The following DLGAP2 variants were observed in gnomAD, a reference collection of about 807,000 sequenced individuals.
The protein encoded by DLGAP2 is DLG associated protein 2.
A neutral mutation model predicts 100.3 loss-of-function variants in DLGAP2; 26 were observed. The ratio of observed to expected loss-of-function variants is 0.26; its 90% CI spans 0.19 to 0.36. The LOEUF (loss-of-function observed/expected upper bound fraction) is 0.36, where lower values mean the gene tolerates loss of function less well. DLGAP2 is among the 10% of genes least tolerant of loss of function. DLGAP2 has a pLI of 1.00. For missense variants in DLGAP2, 1,858 were observed against 1,453.2 expected, an observed-to-expected ratio of 1.28 and a Z score of -4.53; for synonymous variants, 886 against 630.1, an observed-to-expected ratio of 1.41 and a Z score of -6.08.
intron 3 of DLGAP2, among the ~76,000 whole-genome samples, chr8:1,417,274 C>T (rs1796921794): frequency 6.6e-6 from 1 of 151,968 alleles, no homozygotes. Flanking sequence ...GCGTCTGAGG[C>T]GGGAGGAGAG....
chr8:1,585,990 C>T (rs1404549702), intron 6 of DLGAP2, among the ~76,000 whole-genome samples: 1 of 152,248 alleles, frequency 6.6e-6, no homozygotes, highest in African/African-American at 2.4e-5. Flanking sequence ...GGTCCCACTG[C>T]ACGCATTACT....
chr8:823,515 T>C (rs917879291), intron 1 of DLGAP2, among the ~76,000 whole-genome samples: 3 of 152,034 alleles, frequency 2.0e-5, no homozygotes, highest in African/African-American at 4.8e-5. Flanking sequence ...AGATAACTTG[T>C]TAAAAAAGAA....
At chr8:820,866 G>A (rs1185816450) in intron 1 of DLGAP2, among the ~76,000 whole-genome samples, 1 of 152,204 alleles carries the variant, frequency 6.6e-6, no homozygotes, top group African/African-American at 2.4e-5. Context: ...TTCAGGCCAG[G>A]AAGATGTAGT....
intron 6 of DLGAP2, among the ~76,000 whole-genome samples, chr8:1,579,026 G>A (rs1298703414): frequency 6.6e-6 from 1 of 152,192 alleles, no homozygotes; most frequent in Non-Finnish European, 1.5e-5. Context: ...TTGAGATACT[G>A]GACTTGCTTA....
At position 1,084,351 on chromosome 8, in the gene DLGAP2, A is replaced by G. The variant is rs116061285; in HGVS notation, c.74-174500A>G. Among the ~76,000 whole-genome samples, 708 of 152,360 alleles carry G rather than the reference A, an allele frequency of 4.6e-3. 6 individuals are homozygous for G. Among genetic ancestry groups the G allele is most frequent in the African/African-American group, 0.016 (674 of 41,586 alleles). ...GCATAGAACAATTAAGCTAATTAAC[A>G]TATCCATTACCTCACATATTTAACA... On this transcript the variant is annotated intron_variant, in intron 2 of 14. Coordinates refer to ENST00000637795, the MANE Select transcript of DLGAP2 (RefSeq NM_001346810.2).
intron 3 of DLGAP2, among the ~76,000 whole-genome samples, chr8:1,297,478 T>C (rs187332671): frequency 1.2e-3 from 118 of 99,112 alleles, no homozygotes; most frequent in Middle Eastern, 8.1e-3. Flanking sequence ...GAACAGACAC[T>C]ACACGAGACA....
intron 3 of DLGAP2, among the ~76,000 whole-genome samples, chr8:1,489,746 C>T (rs1289075649): frequency 2.6e-5 from 4 of 152,134 alleles, no homozygotes; most frequent in African/African-American, 7.2e-5. Context: ...GATCACAAAC[C>T]GCATCGAGTT....
chr8:1,532,723 G>A (rs1468584487), intron 4 of DLGAP2, among the ~76,000 whole-genome samples: 7 of 152,122 alleles, frequency 4.6e-5, no homozygotes, highest in Admixed American at 2.0e-4. Context: ...TTTAAAATAG[G>A]TAGAAAGGAA....
chr8:1,064,635 T>C (rs1803189532), intron 2 of DLGAP2, among the ~76,000 whole-genome samples: 1 of 152,172 alleles, frequency 6.6e-6, no homozygotes, highest in Non-Finnish European at 1.5e-5. Flanking sequence ...AACAAGGAGG[T>C]CTTTAGTAAA....
chr8:1,678,063 C>A, intron 11 of DLGAP2, 151 bp from the exon 12 acceptor site: 1 of 815,418 alleles, frequency 1.2e-6, no homozygotes, highest in Non-Finnish European at 1.9e-6. Context: ...ACAGACAAAA[C>A]ACCAGCATAT....
chr8:1,480,773 G>A (rs946982866), intron 3 of DLGAP2, among the ~76,000 whole-genome samples: 6 of 151,962 alleles, frequency 3.9e-5, no homozygotes, highest in Non-Finnish European at 8.8e-5. Flanking sequence ...GGCTGAGGCA[G>A]GAGAATCGCT....
intron 2 of DLGAP2, among the ~76,000 whole-genome samples, chr8:1,012,046 A>T (rs1433748611): frequency 4.6e-5 from 7 of 152,212 alleles, no homozygotes; most frequent in Non-Finnish European, 1.5e-5. Flanking sequence ...TAGGCCCTGC[A>T]AACACATGCC....
chr8:1,429,105 T>A (rs530584096), intron 3 of DLGAP2, among the ~76,000 whole-genome samples: 3 of 152,318 alleles, frequency 2.0e-5, no homozygotes, highest in Admixed American at 6.5e-5. Context: ...TCATAAGTTG[T>A]TCCTGGAAAC....
intron 2 of DLGAP2, among the ~76,000 whole-genome samples, chr8:1,213,681 G>T (rs2116793448): frequency 6.6e-6 from 1 of 152,248 alleles, no homozygotes; most frequent in East Asian, 1.9e-4. Context: ...AATGGTGCAG[G>T]AATCACATCT....
At chr8:1,503,237 C>T (rs567500519) in intron 4 of DLGAP2, among the ~76,000 whole-genome samples, 1 of 152,248 alleles carries the variant, frequency 6.6e-6, no homozygotes, top group South Asian at 2.1e-4. Flanking sequence ...GTCTCTAGAA[C>T]TTTTTCCTCT....
chr8:1,504,409 G>C (rs1364193669), intron 4 of DLGAP2, among the ~76,000 whole-genome samples: 3 of 152,116 alleles, frequency 2.0e-5, no homozygotes, highest in African/African-American at 7.2e-5. Flanking sequence ...GTGCTTTTAA[G>C]AACATTTAAG....
chr8:1,678,600 A>T lies in DLGAP2; in HGVS notation c.2675A>T (p.Glu892Val). 1 of 1,564,884 alleles carries T rather than the reference A, an allele frequency of 6.4e-7. No homozygotes were observed. Among genetic ancestry groups the T allele is most frequent in the Non-Finnish European group, 8.7e-7 (1 of 1,153,970 alleles). Residue 892 changes from glutamate to valine, a missense_variant, in exon 12 of 15, where the codon GAG (glutamate) becomes GTG (valine). Glu to Val is a moderately radical substitution (Grantham distance 121, BLOSUM62 -2). Coordinates refer to ENST00000637795, the MANE Select transcript of DLGAP2 (RefSeq NM_001346810.2). The stretch of plus-strand genomic sequence containing the variant: ...GGCTGGTGCAAAGAGATGGAGAGAG[A>T]GGCGGAGGAGAACGACCTCTCGGAG... ...MEGWCKEMER[E>V]AEENDLSEEI... is the part of the protein sequence containing the mutation.
intron 6 of DLGAP2, among the ~76,000 whole-genome samples, chr8:1,577,999 C>G (rs1162044835): frequency 6.6e-6 from 1 of 152,236 alleles, no homozygotes; most frequent in Non-Finnish European, 1.5e-5. Flanking sequence ...TACGTAGACA[C>G]TCTTATACTA....
At chr8:819,327 G>A (rs1381320536) in intron 1 of DLGAP2, among the ~76,000 whole-genome samples, 1 of 152,230 alleles carries the variant, frequency 6.6e-6, no homozygotes, top group Non-Finnish European at 1.5e-5. Context: ...GCAGCCATCT[G>A]TGATAGAAAT....
Sources: gnomAD v4.1 joint callset for allele counts (sites outside exome capture counted in the v4.1 genomes callset) on GRCh38, gnomAD v4.1.1 for gene constraint, MANE v1.5 for transcripts, NCBI Gene and HGNC (gene_info 2026-07-23, HGNC 2026-07-21) for gene names.